ERMARD: variants seen among roughly 807,000 people sequenced by gnomAD.
The protein encoded by ERMARD is ER membrane associated RNA degradation.
Under a neutral mutation model 83.9 loss-of-function variants are expected in ERMARD, and 71 were observed. The ratio of observed to expected loss-of-function variants is 0.85; its 90% CI spans 0.70 to 1.03. ERMARD has a LOEUF of 1.03. Among genes scored for constraint, ERMARD ranks in the 50% least tolerant of loss-of-function variants. ERMARD has a pLI of 0.00. For missense variants in ERMARD, 838 were observed against 810.9 expected (o/e 1.03, Z -0.41); for synonymous variants, 284 against 298.6 (o/e 0.95, Z 0.50).
At chr6:169,760,004 T>C (rs766505733) in intron 7 of ERMARD, 30 bp downstream of exon 7, 15 of 1,613,142 alleles carry the variant, frequency 9.3e-6, no homozygotes, top group Admixed American at 1.7e-5. Flanking sequence ...TTTTTCCTTA[T>C]AGCTTTGCGT....
chr6:169,772,629 G>T (rs1469922322), intron 12 of ERMARD, among the ~76,000 whole-genome samples: 2 of 152,026 alleles, frequency 1.3e-5, no homozygotes, highest in African/African-American at 4.8e-5. Context: ...AATTAGCCAG[G>T]CGTGGTGGTG....
intron 7 of ERMARD, 89 bp downstream of exon 7, chr6:169,760,063 T>A (rs780918035): frequency 1.3e-6 from 2 of 1,563,758 alleles, no homozygotes; most frequent in Non-Finnish European, 1.7e-6. Flanking sequence ...ACTCTTGAGG[T>A]GGGGTGAAGT....
At chr6:169,778,852 G>C (rs1481587414) in intron 16 of ERMARD, among the ~76,000 whole-genome samples, 1 of 152,256 alleles carries the variant, frequency 6.6e-6, no homozygotes, top group Non-Finnish European at 1.5e-5. Flanking sequence ...AGCGAGCAGG[G>C]GGGCTGCTGG....
chr6:169,776,209 A>G, intron 15 of ERMARD, 144 bp downstream of exon 15: 1 of 1,514,126 alleles, frequency 6.6e-7, no homozygotes, highest in Non-Finnish European at 9.0e-7. Flanking sequence ...AGGAATTATG[A>G]GATAAGTTTT....
At chr6:169,763,839 C>G (rs185324300) in intron 9 of ERMARD, among the ~76,000 whole-genome samples, 16 of 152,388 alleles carry the variant, frequency 1.0e-4, no homozygotes, top group Admixed American at 2.0e-4. Flanking sequence ...GCTGCGAGGG[C>G]AGCTTACGGC....
Position 169,760,877 on chromosome 6 carries a change from G to A in ERMARD, c.857+121G>A, listed in dbSNP as rs1791466037. 7 of 594,026 alleles carry A rather than the reference G, an allele frequency of 1.2e-5. No homozygotes were observed. In the South Asian group the frequency reaches 2.0e-4, roughly 17 times the overall value. The allele number at this position is 594,026 out of a possible 1,614,324, so 36.8% of individuals were successfully genotyped here. A position where few individuals can be genotyped will look rare whatever the true frequency, so the allele number is the denominator to read the frequency against. On this transcript the variant is annotated intron_variant, in intron 8 of 17. Coordinates refer to ENST00000366773, the MANE Select transcript of ERMARD (RefSeq NM_018341.3). ...AAGTGAAGAGAACCTGGACTGACTT[G>A]AGCAGACCTGAAAATAAAACACCTT... is the stretch of plus-strand genomic sequence containing the variant.
intron 6 of ERMARD, 61 bp from the exon 7 acceptor site, chr6:169,759,777 G>C: frequency 6.9e-7 from 1 of 1,452,104 alleles, no homozygotes; most frequent in Non-Finnish European, 9.5e-7. Context: ...TTTTCACAGT[G>C]AAGCTTTTTA....
intron 3 of ERMARD, among the ~76,000 whole-genome samples, chr6:169,756,095 T>C (rs549340943): frequency 1.3e-5 from 2 of 152,308 alleles, no homozygotes; most frequent in Non-Finnish European, 2.9e-5. Flanking sequence ...TCCACTTAAA[T>C]TGTGCCAGAT....
intron 12 of ERMARD, chr6:169,772,949 G>A (rs1793147103): frequency 5.3e-6 from 1 of 190,386 alleles, no homozygotes; most frequent in Non-Finnish European, 1.1e-5. Flanking sequence ...GTATATGCTT[G>A]GCAATTAAAT....
At chr6:169,773,425 G>A (rs1196128726) in intron 13 of ERMARD, 23 bp downstream of exon 13, 1 of 1,611,832 alleles carries the variant, frequency 6.2e-7, no homozygotes. Flanking sequence ...CAGGGTCCCG[G>A]GAGGGGCGTG....
chr6:169,769,390 G>T, intron 11 of ERMARD, 150 bp from the exon 12 acceptor site: 1 of 624,600 alleles, frequency 1.6e-6, no homozygotes, highest in Non-Finnish European at 2.6e-6. Context: ...TCTGTCCTGT[G>T]GGTGTAGGAG....
In ERMARD at chr6:169,768,123, T is replaced by C; in HGVS notation, c.1011T>C (p.Asn337=). The change falls in exon 11 of 18, where the codon AAT becomes AAC. Residue 337 remains asparagine, a synonymous_variant. Coordinates refer to ENST00000366773, the MANE Select transcript of ERMARD (RefSeq NM_018341.3). ...TFDQILAKHL[N]DGKINQLPLF... is the part of the protein sequence containing the mutation. ...TTTAGATATTGGCAAAACACTTGAATGATGGTAAAATCAATCAGCTTCCTC... is the reference window on the plus strand; with the variant it reads ...TTTAGATATTGGCAAAACACTTGAACGATGGTAAAATCAATCAGCTTCCTC... The C allele has an allele frequency of 6.2e-7, 1 of 1,614,130 alleles. No individual in the cohort carries two copies. The highest frequency in any genetic ancestry group is 8.5e-7 in the Non-Finnish European group (1 of 1,179,966).
chr6:169,767,354 A>G (rs1363785112), intron 10 of ERMARD: 1 of 152,362 alleles, frequency 6.6e-6, no homozygotes, highest in East Asian at 1.9e-4. Context: ...TGAGGAATTG[A>G]TTAGATAGTG....
At position 169,775,342 on chromosome 6, in the gene ERMARD, G is replaced by C. The variant is rs752079488; in HGVS notation, c.1390G>C (p.Val464Leu). The change falls in exon 14 of 18, where the codon GTC (valine) becomes CTC (leucine). Residue 464 changes from valine (V) to leucine (L), a missense_variant. Physicochemically the swap from Val to Leu is conservative, Grantham distance 32. Transcript: ENST00000366773. Reference protein sequence around the residue: ...PFPEELTRQAVRLEDNSETNA... With the variant: ...PFPEELTRQALRLEDNSETNA... ...CCCCGAAGAACTCACTCGGCAAGCC[G>C]TCAGGTGCGTGGCATCCTGGGGCCT... The C allele has an allele frequency of 1.2e-6, 2 of 1,614,088 alleles. No individual in the cohort carries two copies. The highest frequency in any genetic ancestry group is 4.5e-5 in the East Asian group (2 of 44,886).
At position 169,751,679 on chromosome 6, in the gene ERMARD, G is replaced by T. The variant is rs779447662; in HGVS notation, c.6+16G>T. On this transcript the variant is annotated intron_variant, in intron 1 of 17. Coordinates refer to ENST00000366773, the MANE Select transcript of ERMARD (RefSeq NM_018341.3). ...AGTTATGGAGGTAGGGCGGGTGTAG[G>T]GCCCGGTTCGATCCCGAGCTAGGCA... 8 of 1,550,532 alleles carry T rather than the reference G, an allele frequency of 5.2e-6. No individual in the cohort carries two copies. In the East Asian group the frequency reaches 7.3e-5, roughly 14 times the overall value.
intron 1 of ERMARD, chr6:169,753,504 G>C (rs1790417863): frequency 1.3e-5 from 2 of 159,762 alleles, no homozygotes; most frequent in Admixed American, 1.3e-4. Flanking sequence ...TGCTCTGGTC[G>C]TAAAACACAT....
chr6:169,777,052 C>T (rs1331297780), intron 16 of ERMARD, among the ~76,000 whole-genome samples: 1 of 152,138 alleles, frequency 6.6e-6, no homozygotes, highest in Non-Finnish European at 1.5e-5. Context: ...TGGGGGCCTT[C>T]CAGGTTATAG....
At chr6:169,755,693 GA>G (rs768256758) in intron 3 of ERMARD, 5 of 373,340 alleles carry the variant, frequency 1.3e-5, no homozygotes, top group Non-Finnish European at 2.4e-5. Context: ...CCCATCCAAG[GA>G]TAGAGGAAAA....
In ERMARD at chr6:169,758,865, T is replaced by C. The variant is rs530616171; in HGVS notation, c.508-103T>C. 216 of 1,039,646 alleles carry C rather than the reference T, an allele frequency of 2.1e-4. 2 individuals carry two copies. In the South Asian group the frequency reaches 3.0e-3, roughly 14 times the overall value. The allele number at this position is 1,039,646 out of a possible 1,614,324, so 64.4% of individuals were successfully genotyped here. A position where few individuals can be genotyped will look rare whatever the true frequency, so the allele number is the denominator to read the frequency against. Reference sequence around the variant, plus strand: ...ATTACTGCTATATACTAGCCAAAACTGTTGACTCTCAGTTAAAAAGAGGAA... The same window carrying C: ...ATTACTGCTATATACTAGCCAAAACCGTTGACTCTCAGTTAAAAAGAGGAA... On this transcript the variant is annotated intron_variant, in intron 5 of 17. Transcript: ENST00000366773.
Sources: allele counts gnomAD v4.1 joint callset (sites outside exome capture counted in the v4.1 genomes callset), GRCh38; gene constraint gnomAD v4.1.1; transcripts MANE v1.5; gene names NCBI Gene and HGNC (gene_info 2026-07-23, HGNC 2026-07-21).